The following DOCK3 variants were observed in gnomAD, a reference collection of about 807,000 sequenced individuals.
DOCK3 encodes the protein dedicator of cytokinesis protein 3.
A neutral mutation model predicts 265.6 loss-of-function variants in DOCK3; 60 were observed. That is an observed-to-expected ratio of 0.23 (90% confidence interval 0.18 to 0.28). The LOEUF is 0.28. Ranked by LOEUF, DOCK3 falls within the 10% of genes least tolerant of loss-of-function variation. The pLI is 1.00. For missense variants in DOCK3, 1,981 were observed against 2,594.3 expected (o/e 0.76, Z 5.14); for synonymous variants, 881 against 938.0 (o/e 0.94, Z 1.11).
intron 2 of DOCK3, among the ~76,000 whole-genome samples, chr3:50,811,936 A>G (rs1403001982): frequency 6.6e-6 from 1 of 152,244 alleles, no homozygotes; most frequent in Non-Finnish European, 1.5e-5. Flanking sequence ...TGCAGAAATC[A>G]ACTGCTACCT....
chr3:51,125,331 T>C (rs1165837998), intron 9 of DOCK3, among the ~76,000 whole-genome samples: 2 of 152,208 alleles, frequency 1.3e-5, no homozygotes, highest in Admixed American at 6.5e-5. Context: ...TTTAAAAGCC[T>C]AGAAAATATC....
rs34249464 is a variant in DOCK3, at chr3:50,750,322, A to AT, written c.38-28330dup. ...TTAAAGAGTTTACAGTCTACCTTTGATTTTTTTTTTTTTTTTTTTTTTTGA... is the reference window on the plus strand; with the variant it reads ...TTAAAGAGTTTACAGTCTACCTTTGATTTTTTTTTTTTTTTTTTTTTTTTGA... On this transcript the variant is annotated intron_variant, in intron 1 of 52. Coordinates refer to ENST00000266037, the MANE Select transcript of DOCK3 (RefSeq NM_004947.5). Among the ~76,000 whole-genome samples the AT allele has an allele frequency of 3.6e-3, 268 of 73,556 alleles. 2 individuals are homozygous for AT. The highest frequency in any genetic ancestry group is 4.6e-3 in the African/African-American group (88 of 19,110). The allele number at this position is 73,556 out of a possible 152,430, so 48.3% of individuals were successfully genotyped here.
chr3:51,018,824 T>C (rs544473612), intron 5 of DOCK3, among the ~76,000 whole-genome samples: 1 of 152,106 alleles, frequency 6.6e-6, no homozygotes, highest in South Asian at 2.1e-4. Flanking sequence ...TTTTGTAAAG[T>C]TCCTATTCTT....
rs1014559403 is a variant in DOCK3, at chr3:51,227,852, C to T, written c.1541-130C>T. The T allele has an allele frequency of 4.1e-5, 35 of 861,188 alleles. No homozygotes were observed. In the African/African-American group the frequency reaches 5.4e-4, roughly 13 times the overall value. 53.3% of individuals were successfully genotyped at this position (861,188 alleles called of 1,614,324 possible). On this transcript the variant is annotated intron_variant, in intron 16 of 52. Transcript: ENST00000266037. Reference sequence around the variant, plus strand: ...TTCAGCACATTTCTCATCATTCCTGCAGTCAGGTTGCCACCTAGTTAATGA... The same window carrying T: ...TTCAGCACATTTCTCATCATTCCTGTAGTCAGGTTGCCACCTAGTTAATGA...
In DOCK3 at chr3:51,362,410, G is replaced by A. The variant is rs1021713645; in HGVS notation, c.5146-117G>A. 8.1e-6 allele frequency: 11 copies of A among 1,351,760 alleles called. No homozygotes were observed. In the African/African-American group the frequency reaches 1.6e-4, roughly 19 times the overall value. The allele number at this position is 1,351,760 out of a possible 1,614,324, so 83.7% of individuals were successfully genotyped here. A position where few individuals can be genotyped will look rare whatever the true frequency, so the allele number is the denominator to read the frequency against. ...TAGCCTGGCCTCCATCAGGGCTCAGGGGATAGCATAAGGCACTGGGGCAGA... is the reference window on the plus strand; with the variant it reads ...TAGCCTGGCCTCCATCAGGGCTCAGAGGATAGCATAAGGCACTGGGGCAGA... On this transcript the variant is annotated intron_variant, in intron 48 of 52. Transcript: ENST00000266037.
intron 51 of DOCK3, among the ~76,000 whole-genome samples, chr3:51,378,273 C>T (rs2088302882): frequency 1.3e-5 from 2 of 152,198 alleles, no homozygotes; most frequent in Admixed American, 1.3e-4. Flanking sequence ...TGGAGTTTTA[C>T]CCTGCGTTCT....
chr3:51,311,588 A>G (rs2083069084), intron 28 of DOCK3, among the ~76,000 whole-genome samples: 1 of 152,240 alleles, frequency 6.6e-6, no homozygotes, highest in African/African-American at 2.4e-5. Context: ...ATTATGTTCT[A>G]AATCCTACAA....
chr3:51,268,060 C>T (rs1042135905), intron 23 of DOCK3, among the ~76,000 whole-genome samples: 6 of 152,110 alleles, frequency 3.9e-5, no homozygotes, highest in Non-Finnish European at 5.9e-5. Flanking sequence ...TTGATGGGTG[C>T]AGCACACCAC....
chr3:50,779,374 T>C (rs1449992322), intron 2 of DOCK3, among the ~76,000 whole-genome samples: 1 of 152,146 alleles, frequency 6.6e-6, no homozygotes, highest in Admixed American at 6.5e-5. Flanking sequence ...CAAATTTTTT[T>C]TAATTTTTGT....
rs764684786 is a variant in DOCK3, at chr3:51,146,549, T to C, written c.747T>C (p.Ser249=). The C allele has an allele frequency of 6.3e-7, 1 of 1,590,792 alleles. No homozygotes were observed. Among genetic ancestry groups the C allele is most frequent in the Non-Finnish European group, 8.6e-7 (1 of 1,167,792 alleles). Residue 249 remains serine (S), a splice_region_variant and synonymous_variant, in exon 10 of 53, where the codon AGT becomes AGC. Coordinates refer to ENST00000266037, the MANE Select transcript of DOCK3 (RefSeq NM_004947.5). ...LYDMREGKQI[S]ERFLVRLNKN... is the part of the protein sequence containing the mutation. Reference sequence around the variant, plus strand: ...TATATCTTTCTTTCCTACATTTCAGTGAGCGGTTTCTGGTAAGACTGAACA... The same window carrying C: ...TATATCTTTCTTTCCTACATTTCAGCGAGCGGTTTCTGGTAAGACTGAACA...
intron 49 of DOCK3, among the ~76,000 whole-genome samples, chr3:51,372,300 T>A (rs1438830938): frequency 1.3e-5 from 2 of 152,234 alleles, no homozygotes; most frequent in African/African-American, 2.4e-5. Flanking sequence ...AATGTTTTCA[T>A]GAAAAGTAAC....
chr3:51,118,319 G>A (rs1179660514), intron 9 of DOCK3, among the ~76,000 whole-genome samples: 1 of 152,204 alleles, frequency 6.6e-6, no homozygotes, highest in Non-Finnish European at 1.5e-5. Flanking sequence ...TGTAGACTGA[G>A]ATACTGTTTG....
chr3:50,803,644 C>T (rs990917573), intron 2 of DOCK3, among the ~76,000 whole-genome samples: 11 of 138,898 alleles, frequency 7.9e-5, no homozygotes, highest in Non-Finnish European at 1.3e-4. Context: ...TCCCAGACAG[C>T]GTGGCTGGGC....
chr3:51,266,656 C>T (rs1363346167), intron 23 of DOCK3, among the ~76,000 whole-genome samples: 1 of 152,164 alleles, frequency 6.6e-6, no homozygotes, highest in African/African-American at 2.4e-5. Context: ...CCCTTCCTTA[C>T]ACCTTATACA....
chr3:50,695,459 G>A (rs2035553410), intron 1 of DOCK3, among the ~76,000 whole-genome samples: 1 of 152,092 alleles, frequency 6.6e-6, no homozygotes, highest in Admixed American at 6.6e-5. Context: ...CTCCAATATT[G>A]CCATTTACTA....
At chr3:50,757,223 T>C (rs1576346809) in intron 1 of DOCK3, among the ~76,000 whole-genome samples, 1 of 127,366 alleles carries the variant, frequency 7.9e-6, no homozygotes, top group Non-Finnish European at 1.6e-5. Context: ...CAGGCTGGAG[T>C]GCAATGGTGT....
rs77479797 is a variant in DOCK3 at position 50,981,558 on chromosome 3, T to C, written c.315+47481T>C. On this transcript the variant is annotated intron_variant, in intron 5 of 52. Coordinates refer to ENST00000266037, the MANE Select transcript of DOCK3 (RefSeq NM_004947.5). ...AGAGTGGGCTGTTGTAGTCCTTAAC[T>C]ATGTTGTATTGGAGTCTGCTGTTTC... Among the ~76,000 whole-genome samples the C allele has an allele frequency of 3.8e-3, 586 of 152,360 alleles. 4 individuals carry two copies. Among genetic ancestry groups the C allele is most frequent in the African/African-American group, 0.013 (557 of 41,578 alleles).
At chr3:50,934,182 T>C (rs1404006374) in intron 5 of DOCK3, 105 bp downstream of exon 5, 11 of 799,448 alleles carry the variant, frequency 1.4e-5, no homozygotes, top group Non-Finnish European at 1.3e-5. Context: ...ATATTTGCAG[T>C]TTATCAAACA....
chr3:50,732,120 C>A (rs1320417459), intron 1 of DOCK3, among the ~76,000 whole-genome samples: 1 of 151,736 alleles, frequency 6.6e-6, no homozygotes, highest in African/African-American at 2.4e-5. Context: ...GAAGCCATAT[C>A]CTCAGCAAAC....
Sources: allele counts gnomAD v4.1 joint callset (sites outside exome capture counted in the v4.1 genomes callset), GRCh38; gene constraint gnomAD v4.1.1; transcripts MANE v1.5; gene names NCBI Gene and HGNC (gene_info 2026-07-23, HGNC 2026-07-21).